The following CCDC175 variants were observed in gnomAD, a reference collection of about 807,000 sequenced individuals.
CCDC175 encodes coiled-coil domain containing 175.
A neutral mutation model predicts 114.6 loss-of-function variants in CCDC175; 100 were observed. The ratio of observed to expected loss-of-function variants is 0.87; its 90% confidence interval spans 0.74 to 1.03. The LOEUF is 1.03. CCDC175 is among the 50% of genes least tolerant of loss of function. The pLI, the probability that CCDC175 is intolerant of heterozygous loss-of-function variation, is 0.00. For missense variants in CCDC175, 880 were observed against 917.8 expected, an observed-to-expected ratio of 0.96 and a Z score of 0.53; for synonymous variants, 306 against 308.7, an observed-to-expected ratio of 0.99 and a Z score of 0.09.
At chr14:59,544,300 G>C (rs1301024179) in intron 9 of CCDC175, among the ~76,000 whole-genome samples, 1 of 152,054 alleles carries the variant, frequency 6.6e-6, no homozygotes, top group Non-Finnish European at 1.5e-5. Flanking sequence ...CAGAGTAGCT[G>C]GGATTACAAG....
chr14:59,507,936 A>G (rs1353983993), intron 19 of CCDC175, among the ~76,000 whole-genome samples: 1 of 152,174 alleles, frequency 6.6e-6, no homozygotes, highest in East Asian at 1.9e-4. Flanking sequence ...ACTGTTTATC[A>G]TGAACGCAGG....
Position 59,540,605 on chromosome 14 carries a change from A to G in CCDC175, c.1355+70T>C, listed in dbSNP as rs992198507. 6 of 1,461,268 alleles carry G rather than the reference A, an allele frequency of 4.1e-6. No homozygotes were observed. The African/African-American group carries it at 8.6e-5, about 21-fold the overall frequency. The allele number at this position is 1,461,268 out of a possible 1,614,324, so 90.5% of individuals were successfully genotyped here. A position where few individuals can be genotyped will look rare whatever the true frequency, so the allele number is the denominator to read the frequency against. On this transcript the variant is annotated intron_variant, in intron 11 of 19. Transcript: ENST00000537690. The stretch of plus-strand genomic sequence containing the variant: ...TAACAACAAGTACTCTGCACTGTTC[A>G]TTAAGATAACATATACTGCTGATAA...
chr14:59,515,505 G>A (rs943602184), intron 17 of CCDC175, among the ~76,000 whole-genome samples: 1 of 152,110 alleles, frequency 6.6e-6, no homozygotes, highest in African/African-American at 2.4e-5. Context: ...AAAAAAGGCA[G>A]GGGTTGCAAT....
intron 8 of CCDC175, among the ~76,000 whole-genome samples, chr14:59,547,523 G>C (rs916663258): frequency 1.3e-5 from 2 of 152,296 alleles, no homozygotes; most frequent in Middle Eastern, 3.4e-3. Flanking sequence ...CAAATGAATA[G>C]AGTCAACAAT....
At chr14:59,521,919 A>G (rs1893447334) in intron 16 of CCDC175, among the ~76,000 whole-genome samples, 1 of 152,250 alleles carries the variant, frequency 6.6e-6, no homozygotes, top group Non-Finnish European at 1.5e-5. Context: ...CATTCTGAGT[A>G]TAATTTTCCA....
chr14:59,563,391 C>G (rs1000504883), intron 6 of CCDC175, among the ~76,000 whole-genome samples: 5 of 152,094 alleles, frequency 3.3e-5, no homozygotes, highest in Non-Finnish European at 7.4e-5. Context: ...AAGGACTCAG[C>G]CCATGGTTAT....
intron 14 of CCDC175, among the ~76,000 whole-genome samples, chr14:59,530,402 CAG>C (rs201889651): frequency 8.3e-6 from 1 of 120,124 alleles, no homozygotes; most frequent in Non-Finnish European, 1.6e-5. Flanking sequence ...AAGAAAGAGA[CAG>C]AGAGAGAGAG....
intron 11 of CCDC175, among the ~76,000 whole-genome samples, chr14:59,539,946 C>T (rs763600644): frequency 1.3e-5 from 2 of 151,802 alleles, no homozygotes; most frequent in African/African-American, 2.4e-5. Context: ...TAGTGCGTGC[C>T]GGTAGTCCTA....
rs1170565627 is a variant in CCDC175 at position 59,576,736 on chromosome 14, C to T, written c.40G>A (p.Glu14Lys). 6 of 1,474,372 alleles carry T rather than the reference C, an allele frequency of 4.1e-6. No homozygotes were observed. The highest frequency in any genetic ancestry group is 2.9e-5 in the African/African-American group (2 of 68,676). 91.3% of individuals were successfully genotyped at this position (1,474,372 alleles called of 1,614,324 possible). A position where few individuals can be genotyped will look rare whatever the true frequency, so the allele number is the denominator to read the frequency against. The stretch of plus-strand genomic sequence containing the variant: ...ACGGCAGCCGCCTGCACCAGCTTCT[C>T]GCCAGCGCCCAGCCCTGGGGTCCAG... ...SPWTPGLGAG[E>K]KLVQAAAVST... Residue 14 changes from glutamate to lysine, a missense_variant, in exon 1 of 20, where the codon GAG becomes AAG. By Grantham distance (56) the Glu-to-Lys change is moderately conservative. Transcript: ENST00000537690.
chr14:59,537,800 A>G (rs1048016911), intron 13 of CCDC175, among the ~76,000 whole-genome samples: 1 of 152,196 alleles, frequency 6.6e-6, no homozygotes, highest in African/African-American at 2.4e-5. Flanking sequence ...ACAGTTCTAC[A>G]TAATTTGAAG....
intron 7 of CCDC175, among the ~76,000 whole-genome samples, chr14:59,557,123 C>A (rs1467816300): frequency 1.1e-4 from 16 of 152,118 alleles, no homozygotes; most frequent in Non-Finnish European, 2.4e-4. Context: ...TGGGTATATA[C>A]CCAAAGGATT....
At chr14:59,556,595 G>C (rs1156630058) in intron 7 of CCDC175, among the ~76,000 whole-genome samples, 2 of 152,244 alleles carry the variant, frequency 1.3e-5, no homozygotes, top group Non-Finnish European at 2.9e-5. Context: ...GGCAACAAAA[G>C]TCAAAATTGA....
rs1370088246 is a variant in CCDC175 at position 59,521,607 on chromosome 14, T to A, written c.2065A>T (p.Ser689Cys). 2.0e-6 allele frequency: 3 copies of A among 1,535,134 alleles called. No individual in the cohort carries two copies. Among genetic ancestry groups the A allele is most frequent in the Non-Finnish European group, 2.6e-6 (3 of 1,144,964 alleles). The change falls in exon 17 of 20, where the codon AGC becomes TGC. Residue 689 changes from serine to cysteine, a missense_variant. Transcript: ENST00000537690. ...GCTATTAGTTGCCGAGACAAGTCGC[T>A]TGAGGTGTGCATGAGGGCTTCTTGT... ...EGQEALMHTS[S>C]DLSRQLIAQE...
chr14:59,515,259 T>G (rs1893006354), intron 17 of CCDC175, among the ~76,000 whole-genome samples: 1 of 152,306 alleles, frequency 6.6e-6, no homozygotes, highest in East Asian at 1.9e-4. Context: ...CTGCATCCAC[T>G]AACAAGCAAA....
At chr14:59,544,654 G>A (rs1355710715) in intron 9 of CCDC175, among the ~76,000 whole-genome samples, 3 of 152,068 alleles carry the variant, frequency 2.0e-5, no homozygotes, top group Non-Finnish European at 4.4e-5. Flanking sequence ...TCAAGTACAG[G>A]CATTGCTTTT....
intron 7 of CCDC175, among the ~76,000 whole-genome samples, chr14:59,555,371 T>G (rs1227791712): frequency 6.6e-6 from 1 of 152,242 alleles, no homozygotes; most frequent in East Asian, 1.9e-4. Flanking sequence ...GCCACATGAT[T>G]ATCTCAATAG....
At chr14:59,572,878 C>T in intron 2 of CCDC175, 65 bp from the exon 3 acceptor site, 1 of 902,982 alleles carries the variant, frequency 1.1e-6, no homozygotes, top group Non-Finnish European at 1.6e-6. Flanking sequence ...ATTTCCTAAA[C>T]AATGCCCTAC....
At chr14:59,573,572 T>A (rs1896946915) in intron 2 of CCDC175, among the ~76,000 whole-genome samples, 1 of 151,768 alleles carries the variant, frequency 6.6e-6, no homozygotes, top group African/African-American at 2.4e-5. Flanking sequence ...AGTCAACATG[T>A]ATTACTTTTA....
chr14:59,554,777 C>A (rs1165828111), intron 7 of CCDC175, among the ~76,000 whole-genome samples: 6 of 151,946 alleles, frequency 3.9e-5, no homozygotes, highest in African/African-American at 1.4e-4. Flanking sequence ...AAAATGATAA[C>A]TGGGATATCA....
Sources: gnomAD v4.1 joint callset for allele counts (sites outside exome capture counted in the v4.1 genomes callset) on GRCh38, gnomAD v4.1.1 for gene constraint, MANE v1.5 for transcripts, NCBI Gene and HGNC (gene_info 2026-07-23, HGNC 2026-07-21) for gene names.